ADAM12: variants seen among roughly 807,000 people sequenced by gnomAD.
ADAM12 encodes disintegrin and metalloproteinase domain-containing protein 12.
ADAM12 carries 70 observed loss-of-function variants against 106.4 expected under a neutral mutation model. That is an observed-to-expected ratio of 0.66 (90% CI 0.54 to 0.80). The LOEUF is 0.80. ADAM12 is among the 30% of genes least tolerant of loss of function. The pLI is 0.00. For missense variants in ADAM12, 1,010 were observed against 1,171.9 expected, an observed-to-expected ratio of 0.86 and a Z score of 2.02; for synonymous variants, 420 against 433.5, an observed-to-expected ratio of 0.97 and a Z score of 0.39.
At chr10:126,077,191 T>C (rs958177309) in intron 11 of ADAM12, among the ~76,000 whole-genome samples, 3 of 152,092 alleles carry the variant, frequency 2.0e-5, no homozygotes, top group Non-Finnish European at 4.4e-5. Flanking sequence ...GGAATCTATC[T>C]AGCCAAGGAG....
At chr10:126,171,018 A>G (rs1470411342) in intron 3 of ADAM12, among the ~76,000 whole-genome samples, 1 of 152,206 alleles carries the variant, frequency 6.6e-6, no homozygotes, top group Non-Finnish European at 1.5e-5. Context: ...AGGCCACACC[A>G]ATCAATATTC....
At chr10:126,310,257 C>T (rs11244948) in intron 2 of ADAM12, among the ~76,000 whole-genome samples, 55,468 of 151,650 alleles carry the variant, frequency 0.37, 10,314 homozygotes, top group African/African-American at 0.41. Flanking sequence ...AGACAGAACC[C>T]TGGGAGTTGC....
intron 4 of ADAM12, chr10:126,145,553 A>T (rs1001826468): frequency 3.9e-5 from 6 of 152,588 alleles, no homozygotes; most frequent in African/African-American, 1.4e-4. Flanking sequence ...AGATGAGATC[A>T]GGCTCATTCT....
intron 2 of ADAM12, among the ~76,000 whole-genome samples, chr10:126,329,934 A>C (rs1854443784): frequency 6.6e-6 from 1 of 152,236 alleles, no homozygotes; most frequent in South Asian, 2.1e-4. Flanking sequence ...CTATTATTTC[A>C]ATTATTTTAT....
chr10:126,161,777 C>A (rs973189827), intron 3 of ADAM12, among the ~76,000 whole-genome samples: 3 of 152,204 alleles, frequency 2.0e-5, no homozygotes, highest in Admixed American at 1.3e-4. Context: ...GGTGGATGGA[C>A]AATGGCAGTA....
At chr10:126,168,438 A>G (rs1176132124) in intron 3 of ADAM12, among the ~76,000 whole-genome samples, 1 of 152,216 alleles carries the variant, frequency 6.6e-6, no homozygotes, top group African/African-American at 2.4e-5. Context: ...CAGGGACACT[A>G]TATGGGAAGT....
In ADAM12 at chr10:126,025,921, C is replaced by A. The variant is rs570993881; in HGVS notation, c.2530-6096G>T. Among the ~76,000 whole-genome samples, 167 of 152,196 alleles carry A rather than the reference C, an allele frequency of 1.1e-3. 1 individual carries two copies. The highest frequency in any genetic ancestry group is 3.9e-3 in the African/African-American group (164 of 41,540). On this transcript the variant is annotated intron_variant, in intron 21 of 22. Coordinates refer to ENST00000448723, the MANE Select transcript of ADAM12 (RefSeq NM_001288973.2). Reference sequence around the variant, plus strand: ...GCAGCCAGAGAGAAAAACCAGGTCCCCTACAAAGGAAAGCCTATCAGACTA... The same window carrying A: ...GCAGCCAGAGAGAAAAACCAGGTCCACTACAAAGGAAAGCCTATCAGACTA...
chr10:126,020,388 A>G (rs1197712244), intron 21 of ADAM12, among the ~76,000 whole-genome samples: 2 of 152,146 alleles, frequency 1.3e-5, no homozygotes, highest in Admixed American at 6.5e-5. Context: ...GAATTGATGC[A>G]GTGGTCTGAG....
intron 11 of ADAM12, among the ~76,000 whole-genome samples, chr10:126,072,283 T>C (rs1287507628): frequency 6.6e-6 from 1 of 152,076 alleles, no homozygotes; most frequent in African/African-American, 2.4e-5. Context: ...CGGGTGCCTC[T>C]AAACAACCGG....
chr10:126,383,432 G>A (rs745695577), intron 1 of ADAM12, among the ~76,000 whole-genome samples: 1 of 152,076 alleles, frequency 6.6e-6, no homozygotes, highest in Non-Finnish European at 1.5e-5. Flanking sequence ...AAAACAGTGA[G>A]GAAGAAATAA....
At chr10:126,139,251 A>T (rs1271069700) in intron 4 of ADAM12, among the ~76,000 whole-genome samples, 1 of 152,014 alleles carries the variant, frequency 6.6e-6, no homozygotes, top group Non-Finnish European at 1.5e-5. Flanking sequence ...TATGTCCTTT[A>T]GTCTAGTTTT....
rs931982308 is a variant in ADAM12, at chr10:126,343,430, G to A, written c.89-12921C>T. ...CATTTTCTTAGTCCAGTCTATCATTGTTGGACATTTGGGTTGGTTCCATGT... is the reference window on the plus strand; with the variant it reads ...CATTTTCTTAGTCCAGTCTATCATTATTGGACATTTGGGTTGGTTCCATGT... On this transcript the variant is annotated intron_variant, in intron 1 of 22. Transcript: ENST00000448723. Among the ~76,000 whole-genome samples, 107 of 152,210 alleles carry A rather than the reference G, an allele frequency of 7.0e-4. 1 individual carries two copies. The highest frequency in any genetic ancestry group is 2.5e-3 in the African/African-American group (102 of 41,524).
At chr10:126,036,582 T>G (rs1954064816) in intron 20 of ADAM12, among the ~76,000 whole-genome samples, 1 of 152,196 alleles carries the variant, frequency 6.6e-6, no homozygotes, top group African/African-American at 2.4e-5. Context: ...TTTAAAAAAC[T>G]GTTTAACAAA....
intron 14 of ADAM12, among the ~76,000 whole-genome samples, chr10:126,058,665 C>T (rs1006239466): frequency 6.6e-6 from 1 of 152,208 alleles, no homozygotes; most frequent in African/African-American, 2.4e-5. Context: ...GCAGACAACT[C>T]TCTGCGCGCC....
rs1200869259 is a variant in ADAM12 at position 126,134,260 on chromosome 10, A to ATGTG, written c.416+1320_416+1323dup. ...TGCAGAAATGTGTGTGTGCATGCAAATGTGTGTGTTCACTCAATGATTTGG... is the reference window on the plus strand; with the variant it reads ...TGCAGAAATGTGTGTGTGCATGCAAATGTGTGTGTGTGTTCACTCAATGATTTGG... On this transcript the variant is annotated intron_variant, in intron 5 of 22. Transcript: ENST00000448723. Among the ~76,000 whole-genome samples the ATGTG allele has an allele frequency of 2.6e-5, 4 of 152,228 alleles. No individual in the cohort carries two copies. The East Asian group carries it at 7.7e-4, about 29-fold the overall frequency.
chr10:126,097,057 C>G (rs141826080), intron 10 of ADAM12, among the ~76,000 whole-genome samples: 45 of 152,214 alleles, frequency 3.0e-4, no homozygotes, highest in African/African-American at 1.0e-3. Context: ...ATTTCAGCAC[C>G]GCACAGCAGC....
chr10:126,237,886 G>A (rs1380454479), intron 3 of ADAM12, among the ~76,000 whole-genome samples: 2 of 152,194 alleles, frequency 1.3e-5, no homozygotes, highest in African/African-American at 4.8e-5. Context: ...AGATCAAGGT[G>A]TGTCATTCTG....
At chr10:126,025,083 A>G (rs191132820) in intron 21 of ADAM12, among the ~76,000 whole-genome samples, 107 of 152,308 alleles carry the variant, frequency 7.0e-4, no homozygotes, top group Non-Finnish European at 1.4e-3. Flanking sequence ...AAGCCCACAA[A>G]GATGAGAAAG....
chr10:126,256,311 A>G (rs916054135), intron 3 of ADAM12, among the ~76,000 whole-genome samples: 1 of 152,198 alleles, frequency 6.6e-6, no homozygotes, highest in African/African-American at 2.4e-5. Context: ...AGGCCAATGT[A>G]TTAGGAAACA....
Sources: gnomAD v4.1 joint callset for allele counts (sites outside exome capture counted in the v4.1 genomes callset) on GRCh38, gnomAD v4.1.1 for gene constraint, MANE v1.5 for transcripts, NCBI Gene and HGNC (gene_info 2026-07-23, HGNC 2026-07-21) for gene names.